Variants in GGT1 observed in about 807,000 individuals in gnomAD.
GGT1 encodes glutathione hydrolase 1 proenzyme.
GGT1 carries 21 observed loss-of-function variants against 56.0 expected under a neutral mutation model. The observed-to-expected ratio is 0.38, with a 90% confidence interval of 0.27 to 0.54. GGT1 has a LOEUF of 0.54. Among genes scored for constraint, GGT1 ranks in the 20% least tolerant of loss-of-function variants. The probability of loss-of-function intolerance (pLI) is 0.82; values close to 1 mark genes in which losing one functional copy is unlikely to be tolerated. For missense variants in GGT1, 466 were observed against 787.0 expected, an observed-to-expected ratio of 0.59 and a Z score of 4.88; for synonymous variants, 238 against 342.6, an observed-to-expected ratio of 0.69 and a Z score of 3.37.
rs1389544866 is a variant in GGT1 at position 24,628,082 on chromosome 22, G to T, written c.1338G>T (p.Gly446=). ...CCTGTCTTCTCCCATCGGCCGCAGG[G>T]AAGCAGCCGCTCTCGTCCATGTGCC... ...PPSPANFIQP[G]KQPLSSMCPT... is the part of the protein sequence containing the mutation. Residue 446 remains glycine, a splice_region_variant and synonymous_variant, in exon 14 of 16, where the codon GGG becomes GGT. Coordinates refer to ENST00000400382, the MANE Select transcript of GGT1 (RefSeq NM_001288833.2). The surrounding 1 kb of genome is among the most constrained non-coding windows in gnomAD (Gnocchi z 5.7). 8 of 1,611,898 alleles carry T rather than the reference G, an allele frequency of 5.0e-6. No homozygotes were observed. The South Asian group carries it at 5.5e-5, about 11-fold the overall frequency.
chr22:24,586,286 G>A, the GGT1 span: 38,861 of 1,613,964 alleles, frequency 0.024, 564 homozygotes, highest in Non-Finnish European at 0.029. Context: ...GTCCAGCACC[G>A]CCAGCACAGC....
chr22:24,605,380 T>TTA (rs1555898169), intron 1 of GGT1, among the ~76,000 whole-genome samples: 9 of 45,504 alleles, frequency 2.0e-4, no homozygotes, highest in African/African-American at 8.7e-4. Flanking sequence ...TTATATAATA[T>TTA]TATAATATGT....
At chr22:24,602,402 A>G (rs1400652367), upstream of GGT1, among the ~76,000 whole-genome samples, 3 of 152,354 alleles carry the variant, frequency 2.0e-5, no homozygotes, top group East Asian at 5.8e-4. Context: ...GAATGATGGA[A>G]TGAAAGAAGG....
intron 9 of GGT1, among the ~76,000 whole-genome samples, chr22:24,622,300 C>A (rs960005660): frequency 6.6e-6 from 1 of 152,102 alleles, no homozygotes; most frequent in East Asian, 1.9e-4. Context: ...CATGGTGGCT[C>A]ACGCCTGTAA....
intron 5 of GGT1, among the ~76,000 whole-genome samples, chr22:24,611,673 C>CA: frequency 6.6e-6 from 1 of 150,942 alleles, no homozygotes; most frequent in South Asian, 2.1e-4. Context: ...GGTGCAATCT[C>CA]AGTTAACTGC....
the GGT1 span, chr22:24,588,545 T>C: frequency 2.6e-6 from 2 of 769,328 alleles, no homozygotes; most frequent in Non-Finnish European, 4.0e-6. Flanking sequence ...CTGGACAGGC[T>C]GGTCCAGTCC....
intron 1 of GGT1, among the ~76,000 whole-genome samples, chr22:24,596,547 C>T (rs1478599144): frequency 1.3e-5 from 2 of 152,202 alleles, no homozygotes; most frequent in East Asian, 3.9e-4. Context: ...GCTTCAGCCT[C>T]CCAAGTAGCT....
At chr22:24,596,259 A>G (rs2045690284) in intron 1 of GGT1, among the ~76,000 whole-genome samples, 1 of 152,206 alleles carries the variant, frequency 6.6e-6, no homozygotes, top group African/African-American at 2.4e-5. Context: ...GCTTAAAGCA[A>G]CAGAATAGTT....
chr22:24,588,338 G>A, the GGT1 span: 13 of 1,603,186 alleles, frequency 8.1e-6, no homozygotes, highest in African/African-American at 4.0e-5. Context: ...TCCTGTGGGA[G>A]GGCAGTGTCA....
chr22:24,586,439 A>G, the GGT1 span: 1 of 1,587,898 alleles, frequency 6.3e-7, no homozygotes, highest in East Asian at 2.2e-5. Context: ...GTGGGGATGG[A>G]CTAGGCAACC....
rs1159399837 is a variant in GGT1, at chr22:24,620,504, C to A, written c.559C>A (p.Gln187Lys). ...GGAAAACAAGCGGACCGTCATCGAGCAGCAGCCTGTCTTGTGGTATGTCTG... is the reference window on the plus strand; with the variant it reads ...GGAAAACAAGCGGACCGTCATCGAGAAGCAGCCTGTCTTGTGGTATGTCTG... The part of the protein sequence containing the change: ...ALENKRTVIE[Q>K]QPVLCEVFCR... Residue 187 changes from glutamine (Q) to lysine (K), a missense_variant, in exon 8 of 16, where the codon CAG becomes AAG. Physicochemically the swap from Gln to Lys is moderately conservative, Grantham distance 53. Transcript: ENST00000400382. This position sits in a 1 kb window ranked among gnomAD's most constrained non-coding sequence, Gnocchi z 5.6. 1 of 1,611,932 alleles carries A rather than the reference C, an allele frequency of 6.2e-7. No individual in the cohort carries two copies. Among genetic ancestry groups the A allele is most frequent in the Admixed American group, 1.7e-5 (1 of 60,028 alleles).
At chr22:24,625,058 C>T (rs1156292504) in intron 11 of GGT1, among the ~76,000 whole-genome samples, 3 of 152,210 alleles carry the variant, frequency 2.0e-5, no homozygotes, top group Non-Finnish European at 4.4e-5. Context: ...CTGGAGTCTG[C>T]AGTGTGGATG....
At position 24,620,032 on chromosome 22, in the gene GGT1, A is replaced by C. The variant is rs2047321466; in HGVS notation, c.383-296A>C. Among the ~76,000 whole-genome samples the C allele has an allele frequency of 7.9e-6, 1 of 127,240 alleles. No individual in the cohort carries two copies. Among genetic ancestry groups the C allele is most frequent in the East Asian group, 2.1e-4 (1 of 4,656 alleles). 83.5% of individuals were successfully genotyped at this position (127,240 alleles called of 152,430 possible). ...ATCCCCTCCTAAAAAAAAACAATTA[A>C]AATTAAAAAATAAATTTAAAAATTA... On this transcript the variant is annotated intron_variant, in intron 7 of 15. Coordinates refer to ENST00000400382, the MANE Select transcript of GGT1 (RefSeq NM_001288833.2). The surrounding 1 kb of genome is among the most constrained non-coding windows in gnomAD (Gnocchi z 5.6).
At chr22:24,616,767 G>A (rs1044315126) in intron 7 of GGT1, among the ~76,000 whole-genome samples, 3 of 151,700 alleles carry the variant, frequency 2.0e-5, no homozygotes, top group Non-Finnish European at 4.4e-5. Context: ...GGCTGGTCTC[G>A]ATCTCCTGAC....
chr22:24,588,659 A>G, the GGT1 span: 1 of 1,138,316 alleles, frequency 8.8e-7, no homozygotes, highest in Non-Finnish European at 1.1e-6. Flanking sequence ...GCCCACCCTC[A>G]GCACCCTTCG....
chr22:24,589,631 C>T, the GGT1 span: 3 of 678,140 alleles, frequency 4.4e-6, no homozygotes, highest in East Asian at 3.1e-5. Flanking sequence ...GCACAGCTCA[C>T]ACTTGCTCTA....
rs2147324990 is a variant in GGT1, at chr22:24,611,101, T to C, written c.20T>C (p.Val7Ala). ...AGAGCCATGAAGAAGAAGTTAGTGG[T>C]GCTGGGCCTGCTGGCCGTGGTCCTG... MKKKLV[V>A]LGLLAVVLVL... Residue 7 changes from valine (V) to alanine (A), a missense_variant, in exon 5 of 16, where the codon GTG (valine) becomes GCG (alanine). By Grantham distance (64) the Val-to-Ala change is moderately conservative. Transcript: ENST00000400382. The C allele has an allele frequency of 3.1e-6, 5 of 1,603,174 alleles. No homozygotes were observed. The highest frequency in any genetic ancestry group is 2.2e-5 in the East Asian group (1 of 44,564).
upstream of GGT1, among the ~76,000 whole-genome samples, chr22:24,593,871 C>T (rs1311367034): frequency 1.3e-5 from 2 of 152,204 alleles, no homozygotes; most frequent in Non-Finnish European, 2.9e-5. Flanking sequence ...GACACTCCTG[C>T]ACTGGCAAAT....
chr22:24,593,247 T>A, upstream of GGT1: 1 of 362,360 alleles, frequency 2.8e-6, no homozygotes, highest in Non-Finnish European at 3.9e-6. Context: ...CCTGCTTGCG[T>A]CAGTCTTGGC....
Sources: allele counts gnomAD v4.1 joint callset (sites outside exome capture counted in the v4.1 genomes callset), GRCh38; gene constraint gnomAD v4.1.1; non-coding constraint Gnocchi (gnomAD v3.1); transcripts MANE v1.5; gene names NCBI Gene and HGNC (gene_info 2026-07-23, HGNC 2026-07-21).